Variants in ZNF503 observed in about 807,000 individuals in gnomAD.
ZNF503 encodes the protein NocA-like zinc finger 2.
In ZNF503, 15 loss-of-function variants were observed where a neutral mutation model predicts 34.4. The observed-to-expected ratio is 0.44, with a 90% CI of 0.29 to 0.67. ZNF503 has a LOEUF of 0.67. Ranked by LOEUF, ZNF503 falls within the 30% of genes least tolerant of loss-of-function variation. The pLI is 0.13. For synonymous variants in ZNF503, 580 were observed against 456.8 expected (o/e 1.27, Z -3.44); for missense variants, 1,007 against 926.8 (o/e 1.09, Z -1.12).
rs1461920514 is a variant in ZNF503, at chr10:75,400,363, C to T, written c.327G>A (p.Lys109=). 1.2e-6 allele frequency: 2 copies of T among 1,608,106 alleles called. No homozygotes were observed. The highest frequency in any genetic ancestry group is 1.7e-6 in the Non-Finnish European group (2 of 1,176,824). ...GCGCCAACAGCGCCAGCGGGCTCTT[C>T]TTGGCATCGAGCTGCGGGGTCAGAC... The part of the protein sequence containing the change: ...TPVSPIELDA[K]KSPLALLAQT... The change falls in exon 2 of 2, where the codon AAG becomes AAA. Residue 109 remains lysine (K), a synonymous_variant. Coordinates refer to ENST00000372524, the MANE Select transcript of ZNF503 (RefSeq NM_032772.6).
At chr10:75,301,686 CAATT>C in the ZNF503 span, among the ~76,000 whole-genome samples, 1 of 152,064 alleles carries the variant, frequency 6.6e-6, no homozygotes, top group Non-Finnish European at 1.5e-5. Flanking sequence ...CTGATGATTA[CAATT>C]GCATTTAATT....
At chr10:75,363,427 A>G in the ZNF503 span, among the ~76,000 whole-genome samples, 7 of 152,098 alleles carry the variant, frequency 4.6e-5, no homozygotes, top group African/African-American at 7.2e-5. Context: ...CTTTTGCTCA[A>G]AGCCATGGCC....
the ZNF503 span, among the ~76,000 whole-genome samples, chr10:75,324,111 A>ATGGTT: frequency 6.6e-6 from 1 of 151,538 alleles, no homozygotes; most frequent in Non-Finnish European, 1.5e-5. Context: ...CTTGCAATCT[A>ATGGTT]TGGTTTGCTT....
the ZNF503 span, among the ~76,000 whole-genome samples, chr10:75,372,915 G>A: frequency 6.6e-6 from 1 of 152,162 alleles, no homozygotes; most frequent in Non-Finnish European, 1.5e-5. Context: ...CCCAGAGAAG[G>A]CAAAGACCTT....
chr10:75,400,065 TCTC>T lies in ZNF503; in HGVS notation c.622_624del (p.Glu208del), dbSNP rs1564760329. ...GCGCTCGGTACCCGGAATCCCGACT[TCTC>T]CGACGAAACACCCCCGCCGCCGCCC... is the stretch of plus-strand genomic sequence containing the variant. On this transcript the variant is annotated inframe_deletion, in exon 2 of 2. Coordinates refer to ENST00000372524, the MANE Select transcript of ZNF503 (RefSeq NM_032772.6). 6.4e-7 allele frequency: 1 copy of T among 1,574,188 alleles called. No homozygotes were observed. The highest frequency in any genetic ancestry group is 1.4e-5 in the African/African-American group (1 of 73,624).
the ZNF503 span, among the ~76,000 whole-genome samples, chr10:75,293,438 T>C: frequency 5.9e-5 from 9 of 152,176 alleles, no homozygotes; most frequent in Non-Finnish European, 1.3e-4. Flanking sequence ...GGAGGAGACG[T>C]TGCCTCAGCA....
At chr10:75,299,578 C>CG in the ZNF503 span, among the ~76,000 whole-genome samples, 7 of 152,054 alleles carry the variant, frequency 4.6e-5, no homozygotes, top group African/African-American at 1.7e-4. Context: ...CTCTAATTAT[C>CG]GGGGGAAATT....
the ZNF503 span, chr10:75,358,916 G>A: frequency 2.6e-5 from 4 of 152,234 alleles, no homozygotes; most frequent in African/African-American, 9.7e-5. Context: ...GCCTGAGCTG[G>A]ACACCCTTCC....
At chr10:75,362,645 T>C in the ZNF503 span, among the ~76,000 whole-genome samples, 1 of 152,340 alleles carries the variant, frequency 6.6e-6, no homozygotes. Context: ...AAACATTTAT[T>C]ACACCCTTGG....
At chr10:75,311,983 G>T in the ZNF503 span, among the ~76,000 whole-genome samples, 1 of 151,778 alleles carries the variant, frequency 6.6e-6, no homozygotes, top group Non-Finnish European at 1.5e-5. Flanking sequence ...GGCCTCAAGT[G>T]GTCCGCCTGC....
At chr10:75,360,328 G>A in the ZNF503 span, among the ~76,000 whole-genome samples, 3 of 151,780 alleles carry the variant, frequency 2.0e-5, no homozygotes, top group Admixed American at 6.6e-5. Flanking sequence ...GGGTTTCGCC[G>A]TGTTAGCCAG....
the ZNF503 span, among the ~76,000 whole-genome samples, chr10:75,285,060 C>T: frequency 6.6e-6 from 1 of 152,164 alleles, no homozygotes; most frequent in Non-Finnish European, 1.5e-5. Flanking sequence ...TTTCCATCTC[C>T]ACTTAAATGA....
the ZNF503 span, among the ~76,000 whole-genome samples, chr10:75,299,507 A>G: frequency 6.6e-6 from 1 of 152,112 alleles, no homozygotes; most frequent in South Asian, 2.1e-4. Context: ...CAGTGCATAT[A>G]TATTTATAAT....
the ZNF503 span, among the ~76,000 whole-genome samples, chr10:75,287,938 G>A: frequency 9.9e-5 from 15 of 152,284 alleles, no homozygotes; most frequent in East Asian, 1.5e-3. Flanking sequence ...TCAGTCTGCC[G>A]GGGCCCCTTC....
At chr10:75,349,791 C>G in the ZNF503 span, among the ~76,000 whole-genome samples, 157 of 152,356 alleles carry the variant, frequency 1.0e-3, no homozygotes, top group African/African-American at 3.6e-3. Context: ...GGGCCAAACC[C>G]AGAACCAGGG....
chr10:75,285,739 G>A, the ZNF503 span, among the ~76,000 whole-genome samples: 5 of 152,224 alleles, frequency 3.3e-5, no homozygotes, highest in African/African-American at 1.2e-4. Flanking sequence ...TGGTCATTAA[G>A]CATTGACCAG....
the ZNF503 span, among the ~76,000 whole-genome samples, chr10:75,389,454 GCGC>G: frequency 6.6e-6 from 1 of 152,176 alleles, no homozygotes. Flanking sequence ...CATGGGCCAG[GCGC>G]AGTGGCTCAT....
downstream of ZNF503, among the ~76,000 whole-genome samples, chr10:75,395,368 C>G (rs921188386): frequency 1.3e-5 from 2 of 152,194 alleles, no homozygotes; most frequent in African/African-American, 4.8e-5. The surrounding 1 kb of genome is among the most constrained non-coding windows in gnomAD (Gnocchi z 4.4). Context: ...GCCTCCTGGA[C>G]ACCGCTCCCA....
At chr10:75,370,671 C>T in the ZNF503 span, among the ~76,000 whole-genome samples, 6,306 of 150,730 alleles carry the variant, frequency 0.042, 398 homozygotes, top group African/African-American at 0.14. Context: ...CCTAACTACT[C>T]GGGAGGCTGA....
Sources: gnomAD v4.1 joint callset for allele counts (sites outside exome capture counted in the v4.1 genomes callset) on GRCh38, gnomAD v4.1.1 for gene constraint, Gnocchi (gnomAD v3.1) non-coding constraint, MANE v1.5 for transcripts, NCBI Gene and HGNC (gene_info 2026-07-23, HGNC 2026-07-21) for gene names.